Variants in CPSF2 observed in about 807,000 individuals in gnomAD.
CPSF2 encodes cleavage and polyadenylation specific factor 2, also known as cleavage and polyadenylation specificity factor subunit 2.
CPSF2 carries 51 observed loss-of-function variants against 84.2 expected under a neutral mutation model. That is an observed-to-expected ratio of 0.61 (90% CI 0.48 to 0.77). The LOEUF is 0.77. Among genes scored for constraint, CPSF2 ranks in the 30% least tolerant of loss-of-function variants. CPSF2 has a pLI of 0.00. For synonymous variants in CPSF2, 286 were observed against 311.9 expected (o/e 0.92, Z 0.87); for missense variants, 641 against 929.4 (o/e 0.69, Z 4.03).
At chr14:92,136,194 C>G (rs2068996608) in intron 6 of CPSF2, among the ~76,000 whole-genome samples, 1 of 152,068 alleles carries the variant, frequency 6.6e-6, no homozygotes, top group Admixed American at 6.6e-5. Flanking sequence ...TTTGTTTTAT[C>G]TGTACATTAA....
At position 92,165,056 on chromosome 14, in the gene CPSF2, C is replaced by G. The variant is rs1332265302; in HGVS notation, c.*3312C>G. 1 of 152,164 alleles carries G rather than the reference C, an allele frequency of 6.6e-6. No individual in the cohort carries two copies. The highest frequency in any genetic ancestry group is 2.4e-5 in the African/African-American group (1 of 41,442). The allele number at this position is 152,164 out of a possible 1,614,324, so 9.4% of individuals were successfully genotyped here. A position where few individuals can be genotyped will look rare whatever the true frequency, so the allele number is the denominator to read the frequency against. On this transcript the variant is annotated 3_prime_UTR_variant, in exon 16 of 16. Transcript: ENST00000298875. ...ATGAACTTTTATGTTTGACTTCTTT[C>G]ACTTAGCATAATGTTTTCAGAGTGC...
chr14:92,135,314 CCTTT>C, intron 5 of CPSF2, 49 bp from the exon 6 acceptor site: 1 of 1,474,508 alleles, frequency 6.8e-7, no homozygotes. Flanking sequence ...AAATAAATAA[CCTTT>C]CTTTAGGGTT....
At chr14:92,127,349 G>A (rs2068856570) in intron 2 of CPSF2, among the ~76,000 whole-genome samples, 1 of 152,140 alleles carries the variant, frequency 6.6e-6, no homozygotes, top group Non-Finnish European at 1.5e-5. Flanking sequence ...AAAAGTTAGA[G>A]GTTTTGGTCA....
intron 8 of CPSF2, 35 bp from the exon 9 acceptor site, chr14:92,142,969 A>T (rs777213318): frequency 2.0e-6 from 3 of 1,509,016 alleles, no homozygotes; most frequent in Non-Finnish European, 2.7e-6. Context: ...ATAATATAGT[A>T]TTTCTAATTC....
At chr14:92,128,510 TCTC>T (rs1211122913) in intron 2 of CPSF2, among the ~76,000 whole-genome samples, 6 of 152,140 alleles carry the variant, frequency 3.9e-5, no homozygotes, top group African/African-American at 1.4e-4. Flanking sequence ...CAGCTGTAAT[TCTC>T]CTCCATATCC....
intron 9 of CPSF2, among the ~76,000 whole-genome samples, chr14:92,151,205 A>G (rs1279778466): frequency 2.0e-5 from 3 of 152,138 alleles, no homozygotes; most frequent in Admixed American, 2.0e-4. Flanking sequence ...TAGTCTGGAT[A>G]ACATAGCGAG....
At chr14:92,145,649 C>T (rs1465181078) in intron 9 of CPSF2, among the ~76,000 whole-genome samples, 2 of 152,062 alleles carry the variant, frequency 1.3e-5, no homozygotes, top group Non-Finnish European at 2.9e-5. Context: ...ATACTTGAAA[C>T]AATTTCATCA....
chr14:92,154,326 A>C, intron 9 of CPSF2, 32 bp from the exon 10 acceptor site: 1 of 1,517,452 alleles, frequency 6.6e-7, no homozygotes. Flanking sequence ...TTAACATATT[A>C]ACATTTCCTT....
At chr14:92,161,519 C>T (rs533138610) in intron 15 of CPSF2, 133 bp from the exon 16 acceptor site, 3 of 611,744 alleles carry the variant, frequency 4.9e-6, no homozygotes, top group Non-Finnish European at 8.0e-6. Context: ...AATATTATAT[C>T]CATATGCTGT....
chr14:92,137,784 A>G (rs1032659783), intron 6 of CPSF2, among the ~76,000 whole-genome samples: 4 of 152,240 alleles, frequency 2.6e-5, no homozygotes, highest in African/African-American at 7.2e-5. Context: ...TGTAGACACA[A>G]TAAAATGTTT....
chr14:92,142,380 A>C (rs1205687801), intron 8 of CPSF2, 29 bp downstream of exon 8: 1 of 1,554,184 alleles, frequency 6.4e-7, no homozygotes. Context: ...ACTTGTAATA[A>C]GTTTGCTACA....
intron 6 of CPSF2, among the ~76,000 whole-genome samples, chr14:92,137,670 A>G (rs1488633476): frequency 6.6e-6 from 1 of 152,248 alleles, no homozygotes; most frequent in East Asian, 1.9e-4. Context: ...CTAAAGAAAC[A>G]ATCAGAAATG....
rs112373891 is a variant in CPSF2 at position 92,128,835 on chromosome 14, G to A, written c.-34-2116G>A. ...GTAGAACAGTTACTGGTAGTGATAA[G>A]GTCTAGGGTGTAATCGTAGTGGTGG... On this transcript the variant is annotated intron_variant, in intron 2 of 15. Transcript: ENST00000298875. 5.8e-4 allele frequency among the ~76,000 whole-genome samples: 89 copies of A among 152,316 alleles called. 1 individual carries two copies. Among genetic ancestry groups the A allele is most frequent in the African/African-American group, 1.9e-3 (80 of 41,580 alleles).
chr14:92,139,416 CAA>C (rs569516826), intron 7 of CPSF2, among the ~76,000 whole-genome samples: 1 of 125,310 alleles, frequency 8.0e-6, no homozygotes. Context: ...GACTCCGTCT[CAA>C]AAAAAAAAAG....
intron 1 of CPSF2, among the ~76,000 whole-genome samples, chr14:92,123,506 C>T (rs1253034070): frequency 2.0e-5 from 3 of 152,174 alleles, no homozygotes; most frequent in South Asian, 2.1e-4. Flanking sequence ...TCAAGTAATC[C>T]TCCCACCTCA....
chr14:92,161,586 G>T, intron 15 of CPSF2, 66 bp from the exon 16 acceptor site: 1 of 1,082,302 alleles, frequency 9.2e-7, no homozygotes, highest in Non-Finnish European at 1.3e-6. Flanking sequence ...CATATATTTC[G>T]GTTATTATGT....
intron 9 of CPSF2, among the ~76,000 whole-genome samples, chr14:92,144,977 C>G (rs1057454938): frequency 2.6e-5 from 4 of 152,190 alleles, no homozygotes; most frequent in African/African-American, 9.7e-5. Context: ...TGCCTTATCT[C>G]TTGTTATAGG....
chr14:92,141,561 C>T (rs1323883378), intron 7 of CPSF2, among the ~76,000 whole-genome samples: 2 of 152,090 alleles, frequency 1.3e-5, no homozygotes, highest in Non-Finnish European at 2.9e-5. Context: ...CTCCTGGACT[C>T]AAGCCATCCT....
Position 92,146,895 on chromosome 14 carries a change from A to G in CPSF2, c.1140+3601A>G, listed in dbSNP as rs562236364. 1.3e-4 allele frequency among the ~76,000 whole-genome samples: 20 copies of G among 152,188 alleles called. No homozygotes were observed. In the East Asian group the frequency reaches 3.5e-3, roughly 26 times the overall value. ...TTGTACTAGCTGTTCTTCTGCCTAT[A>G]GTGTTCTTTCCTGGCTTTGCGCATG... On this transcript the variant is annotated intron_variant, in intron 9 of 15. Transcript: ENST00000298875.
Sources: allele counts gnomAD v4.1 joint callset (sites outside exome capture counted in the v4.1 genomes callset), GRCh38; gene constraint gnomAD v4.1.1; transcripts MANE v1.5; gene names NCBI Gene and HGNC (gene_info 2026-07-23, HGNC 2026-07-21).